Variants in RHOBTB3 observed in about 807,000 individuals in gnomAD.
RHOBTB3 encodes the protein Rho related BTB domain containing 3, also known as rho-related BTB domain-containing protein 3.
In RHOBTB3, 47 loss-of-function variants were observed where a neutral mutation model predicts 67.2. The ratio of observed to expected loss-of-function variants is 0.70; its 90% CI spans 0.55 to 0.89. The LOEUF (loss-of-function observed/expected upper bound fraction) is 0.89, where lower values mean the gene tolerates loss of function less well. Among genes scored for constraint, RHOBTB3 ranks in the 40% least tolerant of loss-of-function variants. The pLI is 0.00. For missense variants in RHOBTB3, 631 were observed against 750.0 expected (o/e 0.84, Z 1.85); for synonymous variants, 273 against 274.2 (o/e 1.00, Z 0.04).
At chr5:95,733,815 A>G (rs959686590) in intron 2 of RHOBTB3, among the ~76,000 whole-genome samples, 2 of 152,206 alleles carry the variant, frequency 1.3e-5, no homozygotes, top group Non-Finnish European at 2.9e-5. Context: ...AGCTGATTGC[A>G]TTAATCAACT....
chr5:95,726,995 T>G (rs957610503), upstream of RHOBTB3, among the ~76,000 whole-genome samples: 19 of 152,118 alleles, frequency 1.2e-4, no homozygotes, highest in Admixed American at 6.6e-4. Context: ...ATAATGTGTG[T>G]GATTAGAAGT....
At chr5:95,780,230 G>T (rs1561455073) in intron 8 of RHOBTB3, 22 bp from the exon 9 acceptor site, 5 of 1,606,664 alleles carry the variant, frequency 3.1e-6, no homozygotes, top group Non-Finnish European at 4.3e-6. Flanking sequence ...CTTGTTTCTT[G>T]TTTCCCTTTT....
intron 8 of RHOBTB3, among the ~76,000 whole-genome samples, chr5:95,773,976 C>G (rs1418365514): frequency 6.6e-6 from 1 of 152,206 alleles, no homozygotes; most frequent in African/African-American, 2.4e-5. Context: ...TCTACTTCAT[C>G]TCCTTGAATA....
chr5:95,726,969 T>A (rs889986230), upstream of RHOBTB3, among the ~76,000 whole-genome samples: 2 of 152,116 alleles, frequency 1.3e-5, no homozygotes, highest in African/African-American at 4.8e-5. Context: ...TCCCCCCTTT[T>A]TTTTTTCAGT....
At chr5:95,766,222 A>G (rs1745539654) in intron 7 of RHOBTB3, among the ~76,000 whole-genome samples, 1 of 151,862 alleles carries the variant, frequency 6.6e-6, no homozygotes, top group Non-Finnish European at 1.5e-5. Context: ...ACCATAGTAG[A>G]TTAGAGTAAG....
intron 2 of RHOBTB3, among the ~76,000 whole-genome samples, chr5:95,734,384 C>T (rs1012016202): frequency 6.6e-6 from 1 of 151,998 alleles, no homozygotes; most frequent in African/African-American, 2.4e-5. Flanking sequence ...AACTGATTTA[C>T]AAGGGGTGGG....
At chr5:95,740,177 A>G (rs1030418054) in intron 3 of RHOBTB3, among the ~76,000 whole-genome samples, 8 of 152,206 alleles carry the variant, frequency 5.3e-5, no homozygotes, top group African/African-American at 1.9e-4. Context: ...ACCTTCCATC[A>G]TGATCATGAG....
rs373746591 is a variant in RHOBTB3 at position 95,792,243 on chromosome 5, C to T, written c.1721-816C>T. Among the ~76,000 whole-genome samples, 387 of 151,996 alleles carry T rather than the reference C, an allele frequency of 2.5e-3. 3 individuals are homozygous for T. The highest frequency in any genetic ancestry group is 8.8e-3 in the African/African-American group (366 of 41,474). ...AAGTATTATACCAAAAAAACTTATC[C>T]GGGCGTGGTGACAGGCGCCTGTAGT... On this transcript the variant is annotated intron_variant, in intron 11 of 11. Transcript: ENST00000379982.
chr5:95,737,599 A>C (rs765956949), intron 3 of RHOBTB3, among the ~76,000 whole-genome samples: 1 of 152,234 alleles, frequency 6.6e-6, no homozygotes, highest in African/African-American at 2.4e-5. Flanking sequence ...TATTATTGTC[A>C]GATATCTTAG....
chr5:95,718,448 A>G (rs537630160), intron 1 of RHOBTB3, among the ~76,000 whole-genome samples: 31 of 152,316 alleles, frequency 2.0e-4, no homozygotes, highest in Non-Finnish European at 1.2e-4. Context: ...TTGTTAGCTA[A>G]TTGTGGGAAG....
At chr5:95,737,881 T>C (rs1363844152) in intron 3 of RHOBTB3, among the ~76,000 whole-genome samples, 1 of 152,202 alleles carries the variant, frequency 6.6e-6, no homozygotes, top group African/African-American at 2.4e-5. Flanking sequence ...TCCCAGTTAA[T>C]AACGCTCCTC....
intron 3 of RHOBTB3, among the ~76,000 whole-genome samples, chr5:95,746,462 A>G (rs1476872322): frequency 6.6e-6 from 1 of 152,122 alleles, no homozygotes; most frequent in East Asian, 1.9e-4. Flanking sequence ...TGAAATACCA[A>G]CATGTTATTT....
Position 95,793,225 on chromosome 5 carries a change from A to C in RHOBTB3, c.*51A>C. 8.2e-7 allele frequency: 1 copy of C among 1,220,188 alleles called. No individual in the cohort carries two copies. Among genetic ancestry groups the C allele is most frequent in the Non-Finnish European group, 1.2e-6 (1 of 849,788 alleles). The allele number at this position is 1,220,188 out of a possible 1,614,324, so 75.6% of individuals were successfully genotyped here. On this transcript the variant is annotated 3_prime_UTR_variant, in exon 12 of 12. Coordinates refer to ENST00000379982, the MANE Select transcript of RHOBTB3 (RefSeq NM_014899.4). ...CTTTTTTATTATTATGAAGAATGGG[A>C]TACCTCCAGGTTCCAGTAAAATTCT...
chr5:95,759,531 A>T (rs998524436), intron 6 of RHOBTB3, among the ~76,000 whole-genome samples: 4 of 152,264 alleles, frequency 2.6e-5, no homozygotes, highest in Non-Finnish European at 4.4e-5. Flanking sequence ...GAAAATGTTT[A>T]AACATTTATT....
At chr5:95,790,034 T>C (rs1356277811) in intron 11 of RHOBTB3, among the ~76,000 whole-genome samples, 40 of 152,200 alleles carry the variant, frequency 2.6e-4, no homozygotes, top group Non-Finnish European at 7.3e-5. Context: ...CAGCTACTTG[T>C]GCAGTTAAAG....
chr5:95,785,676 A>T (rs962791486), intron 10 of RHOBTB3, among the ~76,000 whole-genome samples: 1 of 152,178 alleles, frequency 6.6e-6, no homozygotes, highest in Non-Finnish European at 1.5e-5. Context: ...TCCCCTCTAA[A>T]TTTAGTTTAC....
At chr5:95,740,194 C>A (rs1314215956) in intron 3 of RHOBTB3, among the ~76,000 whole-genome samples, 1 of 152,150 alleles carries the variant, frequency 6.6e-6, no homozygotes, top group African/African-American at 2.4e-5. Context: ...TGAGGCCTCC[C>A]CAGCCATGTG....
Position 95,755,479 on chromosome 5 carries a change from G to A in RHOBTB3, c.766G>A (p.Val256Met), listed in dbSNP as rs1423586223. The change falls in exon 6 of 12, where the codon GTG (valine) becomes ATG (methionine). Residue 256 changes from valine to methionine, a missense_variant. Coordinates refer to ENST00000379982, the MANE Select transcript of RHOBTB3 (RefSeq NM_014899.4). ...NLLFCCQCVDVVFYNPNLKKV... is the reference protein window; with the variant it reads ...NLLFCCQCVDMVFYNPNLKKV... ...GCTGTTCTGCTGCCAGTGTGTGGAC[G>A]TGGTATTTTACAACCCCAATTTAAA... 3.1e-6 allele frequency: 5 copies of A among 1,613,790 alleles called. No homozygotes were observed. Among genetic ancestry groups the A allele is most frequent in the East Asian group, 2.2e-5 (1 of 44,888 alleles).
intron 8 of RHOBTB3, among the ~76,000 whole-genome samples, chr5:95,771,149 C>T (rs1212971384): frequency 6.6e-6 from 1 of 152,092 alleles, no homozygotes; most frequent in Non-Finnish European, 1.5e-5. Context: ...AATTATGTGA[C>T]AACCTTTATG....
Sources: allele counts gnomAD v4.1 joint callset (sites outside exome capture counted in the v4.1 genomes callset), GRCh38; gene constraint gnomAD v4.1.1; transcripts MANE v1.5; gene names NCBI Gene and HGNC (gene_info 2026-07-23, HGNC 2026-07-21).